Variants in AGO2 observed in about 807,000 individuals in gnomAD.
AGO2 encodes the protein protein argonaute-2.
A neutral mutation model predicts 102.3 loss-of-function variants in AGO2; 5 were observed. The observed-to-expected ratio is 0.05, with a 90% confidence interval of 0.03 to 0.10. The LOEUF is 0.10. Among genes scored for constraint, AGO2 ranks in the 10% least tolerant of loss-of-function variants. The probability of loss-of-function intolerance (pLI) is 1.00; values close to 1 mark genes in which losing one functional copy is unlikely to be tolerated. For missense variants in AGO2, 541 were observed against 1,183.7 expected (o/e 0.46, Z 7.97); for synonymous variants, 449 against 473.1 (o/e 0.95, Z 0.66).
rs900958888 is a variant in AGO2, at chr8:140,526,582, T to G, written c.*5462A>C. On this transcript the variant is annotated 3_prime_UTR_variant, in exon 19 of 19. Coordinates refer to ENST00000220592, the MANE Select transcript of AGO2 (RefSeq NM_012154.5). The surrounding 1 kb of genome is among the most constrained non-coding windows in gnomAD (Gnocchi z 5.2). ...CAGTTTATTCAGGCAACATATTGGC[T>G]GTTTTCAGTGTGGACAGCTACACTT... is the stretch of plus-strand genomic sequence containing the variant. 3 of 152,244 alleles carry G rather than the reference T, an allele frequency of 2.0e-5. No individual in the cohort carries two copies. Among genetic ancestry groups the G allele is most frequent in the Non-Finnish European group, 4.4e-5 (3 of 68,046 alleles). 9.4% of individuals were successfully genotyped at this position (152,244 alleles called of 1,614,324 possible).
intron 1 of AGO2, among the ~76,000 whole-genome samples, chr8:140,630,280 T>C (rs2074325699): frequency 6.6e-6 from 1 of 152,182 alleles, no homozygotes; most frequent in Non-Finnish European, 1.5e-5. Flanking sequence ...GGACAGTTCT[T>C]GTGTCTGCCT....
rs1166157961 is a variant in AGO2, at chr8:140,525,209, C to T, written c.*6835G>A. Reference sequence around the variant, plus strand: ...GTTCTCTCACTTCTGAGTAAATTCTCACAAACGCGAAGATGGTGGGAGGGC... The same window carrying T: ...GTTCTCTCACTTCTGAGTAAATTCTTACAAACGCGAAGATGGTGGGAGGGC... On this transcript the variant is annotated 3_prime_UTR_variant, in exon 19 of 19. Transcript: ENST00000220592. The T allele has an allele frequency of 6.6e-6, 1 of 152,274 alleles. No individual in the cohort carries two copies. The highest frequency in any genetic ancestry group is 1.5e-5 in the Non-Finnish European group (1 of 68,056). The allele number at this position is 152,274 out of a possible 1,614,324, so 9.4% of individuals were successfully genotyped here.
At chr8:140,541,015 T>C (rs1228290216) in intron 15 of AGO2, 149 bp downstream of exon 15, 21 of 751,222 alleles carry the variant, frequency 2.8e-5, no homozygotes, top group Non-Finnish European at 3.8e-5. Context: ...TCTCCTCCCC[T>C]GGACCCCCTT....
At chr8:140,533,544 T>C (rs1255585031) in intron 17 of AGO2, among the ~76,000 whole-genome samples, 3 of 149,288 alleles carry the variant, frequency 2.0e-5, no homozygotes, top group East Asian at 2.1e-4. Flanking sequence ...CAGTGGATCA[T>C]GCCTGTAATC....
At chr8:140,602,930 A>G (rs368303490) in intron 1 of AGO2, among the ~76,000 whole-genome samples, 10 of 152,386 alleles carry the variant, frequency 6.6e-5, no homozygotes, top group South Asian at 2.1e-4. Flanking sequence ...ATGGTATTCT[A>G]CTTCCTCAGA....
chr8:140,573,041 C>T lies in AGO2; in HGVS notation c.216-109G>A, dbSNP rs553616126. On this transcript the variant is annotated intron_variant, in intron 2 of 18. Coordinates refer to ENST00000220592, the MANE Select transcript of AGO2 (RefSeq NM_012154.5). ...TTTTTTTTTTTGAGATGGAGTCTTG[C>T]TCTTGTGGCCCAGGCTGGAGTGCAA... 3.9e-5 allele frequency: 52 copies of T among 1,336,044 alleles called. No individual in the cohort carries two copies. The South Asian group carries it at 7.6e-4, about 20-fold the overall frequency. The allele number at this position is 1,336,044 out of a possible 1,614,324, so 82.8% of individuals were successfully genotyped here. A position where few individuals can be genotyped will look rare whatever the true frequency, so the allele number is the denominator to read the frequency against.
chr8:140,624,415 C>G (rs1031106467), intron 1 of AGO2, among the ~76,000 whole-genome samples: 1 of 152,242 alleles, frequency 6.6e-6, no homozygotes, highest in Admixed American at 6.5e-5. Context: ...CAGGGATGGA[C>G]AGTGGCAGAA....
intron 1 of AGO2, among the ~76,000 whole-genome samples, chr8:140,615,683 C>T (rs934906788): frequency 3.3e-5 from 5 of 152,278 alleles, no homozygotes; most frequent in African/African-American, 1.2e-4. Context: ...ACTTTTACCA[C>T]GCTCAAGGTG....
intron 3 of AGO2, among the ~76,000 whole-genome samples, chr8:140,564,822 A>G (rs2073254239): frequency 6.6e-6 from 1 of 152,152 alleles, no homozygotes; most frequent in South Asian, 2.1e-4. Context: ...TACACTGTGG[A>G]ATAATATGCA....
intron 2 of AGO2, among the ~76,000 whole-genome samples, chr8:140,584,239 G>C (rs2073610613): frequency 6.6e-6 from 1 of 151,530 alleles, no homozygotes; most frequent in Admixed American, 6.6e-5. Context: ...ATGGAAAGAT[G>C]CTCAGCTCAT....
At chr8:140,551,231 C>G in intron 11 of AGO2, 72 bp downstream of exon 11, 1 of 1,409,208 alleles carries the variant, frequency 7.1e-7, no homozygotes, top group Non-Finnish European at 9.3e-7. Context: ...AGAGTCAGCC[C>G]TGCAAGTGGT....
intron 2 of AGO2, among the ~76,000 whole-genome samples, chr8:140,584,312 C>G (rs1027536336): frequency 6.4e-4 from 97 of 152,068 alleles, no homozygotes; most frequent in African/African-American, 2.3e-3. Context: ...CCGAAACACA[C>G]AAAAAAACAC....
In AGO2 at chr8:140,558,584, G is replaced by A. The variant is rs747344574; in HGVS notation, c.791-12C>T. 6.2e-7 allele frequency: 1 copy of A among 1,613,896 alleles called. No homozygotes were observed. Among genetic ancestry groups the A allele is most frequent in the Admixed American group, 1.7e-5 (1 of 60,020 alleles). On this transcript the variant is annotated splice_polypyrimidine_tract_variant and intron_variant, in intron 6 of 18. Coordinates refer to ENST00000220592, the MANE Select transcript of AGO2 (RefSeq NM_012154.5). ...CTCCACCTTTAGACCTGGGGACACA[G>A]AACACAGGCATCGGCATCGGGGCTG... is the stretch of plus-strand genomic sequence containing the variant.
At chr8:140,548,876 C>A (rs1038394901) in intron 12 of AGO2, among the ~76,000 whole-genome samples, 2 of 152,222 alleles carry the variant, frequency 1.3e-5, no homozygotes, top group African/African-American at 4.8e-5. Context: ...AAGGCCTGTG[C>A]CACCCGAGGG....
chr8:140,521,432 A>G lies in AGO2; in HGVS notation c.*10612T>C, dbSNP rs1016807012. 5 of 152,198 alleles carry G rather than the reference A, an allele frequency of 3.3e-5. No individual in the cohort carries two copies. The highest frequency in any genetic ancestry group is 4.8e-5 in the African/African-American group (2 of 41,434). The allele number at this position is 152,198 out of a possible 1,614,324, so 9.4% of individuals were successfully genotyped here. On this transcript the variant is annotated 3_prime_UTR_variant, in exon 19 of 19. Coordinates refer to ENST00000220592, the MANE Select transcript of AGO2 (RefSeq NM_012154.5). ...GTTGGTTCTCTTGTAAAATTCAGAG[A>G]TCTCTTTAAAATAGTAAAACTATAT...
At position 140,625,835 on chromosome 8, in the gene AGO2, C is replaced by G. The variant is rs547822604; in HGVS notation, c.22+9650G>C. Among the ~76,000 whole-genome samples the G allele has an allele frequency of 7.9e-5, 12 of 152,324 alleles. No individual in the cohort carries two copies. In the South Asian group the frequency reaches 2.5e-3, roughly 32 times the overall value. On this transcript the variant is annotated intron_variant, in intron 1 of 18. Coordinates refer to ENST00000220592, the MANE Select transcript of AGO2 (RefSeq NM_012154.5). ...GCTGCACAGAACAGGGACCACCCCCCAAAAAGCTTCCAGGGCCAACAGCGA... is the reference window on the plus strand; with the variant it reads ...GCTGCACAGAACAGGGACCACCCCCGAAAAAGCTTCCAGGGCCAACAGCGA...
At chr8:140,622,172 C>T (rs77872431) in intron 1 of AGO2, among the ~76,000 whole-genome samples, 1,826 of 152,288 alleles carry the variant, frequency 0.012, 35 homozygotes, top group African/African-American at 0.04. Context: ...ATAGAACATA[C>T]TCGGAACAGG....
Position 140,539,267 on chromosome 8 carries a change from G to A in AGO2, c.2169+53C>T. On this transcript the variant is annotated intron_variant, in intron 16 of 18. Coordinates refer to ENST00000220592, the MANE Select transcript of AGO2 (RefSeq NM_012154.5). The surrounding 1 kb of genome is among the most constrained non-coding windows in gnomAD (Gnocchi z 4.7). ...GTTCTCTTGTGAGTGTGCTCGGGGT[G>A]TGGGGCTGAGGGGAGAACCGTGCCC... The A allele has an allele frequency of 1.3e-6, 2 of 1,553,214 alleles. No homozygotes were observed. Among genetic ancestry groups the A allele is most frequent in the Non-Finnish European group, 1.7e-6 (2 of 1,147,714 alleles).
chr8:140,532,206 A>G, intron 18 of AGO2, 54 bp from the exon 19 acceptor site: 1 of 1,525,942 alleles, frequency 6.6e-7, no homozygotes, highest in Non-Finnish European at 9.1e-7. Flanking sequence ...ATGCACGATG[A>G]GGCAGTGCGT....
Sources: gnomAD v4.1 joint callset for allele counts (sites outside exome capture counted in the v4.1 genomes callset) on GRCh38, gnomAD v4.1.1 for gene constraint, Gnocchi (gnomAD v3.1) non-coding constraint, MANE v1.5 for transcripts, NCBI Gene and HGNC (gene_info 2026-07-23, HGNC 2026-07-21) for gene names.